COL6A1: variants seen among roughly 807,000 people sequenced by gnomAD.
The protein encoded by COL6A1 is collagen type VI alpha 1 chain, also known as collagen alpha-1(VI) chain.
Under a neutral mutation model 145.6 loss-of-function variants are expected in COL6A1, and 80 were observed. The observed-to-expected ratio is 0.55, with a 90% CI of 0.46 to 0.66. The LOEUF is 0.66. COL6A1 is among the 30% of genes least tolerant of loss of function. The pLI is 0.00. For missense variants in COL6A1, 1,364 were observed against 1,473.8 expected, an observed-to-expected ratio of 0.93 and a Z score of 1.22; for synonymous variants, 638 against 622.8, an observed-to-expected ratio of 1.02 and a Z score of -0.36.
chr21:46,002,989 C>G (rs1025115904), intron 33 of COL6A1, 131 bp from the exon 34 acceptor site: 15 of 1,365,886 alleles, frequency 1.1e-5, no homozygotes, highest in Non-Finnish European at 1.5e-5. Flanking sequence ...CACAGGCATC[C>G]TCCTCCCGGC....
In COL6A1 at chr21:45,989,822, T is replaced by C. The variant is rs749294561; in HGVS notation, c.930+44T>C. 2.5e-6 allele frequency: 4 copies of C among 1,611,972 alleles called. No homozygotes were observed. The East Asian group carries it at 8.9e-5, about 36-fold the overall frequency. The stretch of plus-strand genomic sequence containing the variant: ...CGGAGCTGGTCTCTCCAGGCGCAGA[T>C]GTGCCATCCTGGACGAGGGTGTCCC... On this transcript the variant is annotated intron_variant, in intron 11 of 34. Transcript: ENST00000361866.
intron 3 of COL6A1, among the ~76,000 whole-genome samples, chr21:45,984,677 CAG>C (rs2077727394): frequency 6.8e-6 from 1 of 146,202 alleles, no homozygotes; most frequent in East Asian, 2.0e-4. Context: ...GAAACAGACA[CAG>C]AGAGAGACAG....
intron 24 of COL6A1, 47 bp from the exon 25 acceptor site, chr21:45,998,850 A>G: frequency 1.3e-6 from 2 of 1,546,706 alleles, no homozygotes; most frequent in Non-Finnish European, 1.7e-6. Context: ...CACTTCCTAA[A>G]AACAAAATAA....
intron 2 of COL6A1, among the ~76,000 whole-genome samples, chr21:45,983,536 C>A (rs2123461613): frequency 6.6e-6 from 1 of 152,260 alleles, no homozygotes; most frequent in Non-Finnish European, 1.5e-5. Context: ...CCAGAAGGGG[C>A]ACAGTCAGAG....
At chr21:46,001,164 C>T (rs1170853297) in intron 29 of COL6A1, 89 bp from the exon 30 acceptor site, 5 of 1,541,430 alleles carry the variant, frequency 3.2e-6, no homozygotes, top group African/African-American at 1.4e-5. Context: ...GAGGATGTGG[C>T]AGCCAAGGAG....
Position 45,981,782 on chromosome 21 carries a change from C to CG in COL6A1, c.-67dup. The stretch of plus-strand genomic sequence containing the variant: ...TCTGGCTGGGAGCAGAAGGCAGCCT[C>CG]GGTCTCTGGGCGGCGGCGGCGGCCC... On this transcript the variant is annotated 5_prime_UTR_variant, in exon 1 of 35. Coordinates refer to ENST00000361866, the MANE Select transcript of COL6A1 (RefSeq NM_001848.3). The CG allele has an allele frequency of 8.1e-7, 1 of 1,237,026 alleles. No homozygotes were observed. Among genetic ancestry groups the CG allele is most frequent in the Non-Finnish European group, 1.1e-6 (1 of 884,842 alleles). 76.6% of individuals were successfully genotyped at this position (1,237,026 alleles called of 1,614,324 possible).
chr21:45,989,823 G>T (rs768426293), intron 11 of COL6A1, 45 bp downstream of exon 11: 1 of 1,612,004 alleles, frequency 6.2e-7, no homozygotes, highest in Non-Finnish European at 8.5e-7. Context: ...AGGCGCAGAT[G>T]TGCCATCCTG....
intron 23 of COL6A1, 58 bp from the exon 24 acceptor site, chr21:45,998,314 GCTCAGGCCCTTCCGCTGTGCGCCCCT>G: frequency 6.3e-7 from 1 of 1,596,202 alleles, no homozygotes; most frequent in Non-Finnish European, 8.6e-7. Context: ...GATTCTGTCA[GCTCAGGCCCTTCCGCTGTGCGCCCCT>G]CACAGCCTCC....
rs753012458 is a variant in COL6A1 at position 45,987,202 on chromosome 21, C to T, written c.738+27C>T. 1.6e-5 allele frequency: 25 copies of T among 1,590,366 alleles called. No homozygotes were observed. In the South Asian group the frequency reaches 2.7e-4, roughly 17 times the overall value. The stretch of plus-strand genomic sequence containing the variant: ...TAAGAGCCCTCCCCACCACCCCCAG[C>T]CGTGAGTCTGCACACGTCCACCCAC... On this transcript the variant is annotated intron_variant, in intron 6 of 34. Transcript: ENST00000361866.
rs968214255 is a variant in COL6A1, at chr21:45,994,510, C to T, written c.1398+281C>T. Among the ~76,000 whole-genome samples the T allele has an allele frequency of 6.6e-6, 1 of 152,060 alleles. No individual in the cohort carries two copies. Among genetic ancestry groups the T allele is most frequent in the African/African-American group, 2.4e-5 (1 of 41,414 alleles). On this transcript the variant is annotated intron_variant, in intron 20 of 34. Transcript: ENST00000361866. The surrounding 1 kb of genome is among the most constrained non-coding windows in gnomAD (Gnocchi z 6.8). Reference sequence around the variant, plus strand: ...GCGCTGTCTGGGGGCCCATCCGGGGCAAGGGTGCCTCACAGTGAGGAAGAG... The same window carrying T: ...GCGCTGTCTGGGGGCCCATCCGGGGTAAGGGTGCCTCACAGTGAGGAAGAG...
At chr21:45,999,566 G>T in intron 26 of COL6A1, 91 bp from the exon 27 acceptor site, 1 of 1,415,180 alleles carries the variant, frequency 7.1e-7, no homozygotes, top group Non-Finnish European at 9.8e-7. Flanking sequence ...GCTTGATGAG[G>T]GGCAGGGCCC....
chr21:45,993,955 C>A (rs1169090758), intron 19 of COL6A1, among the ~76,000 whole-genome samples: 1 of 152,198 alleles, frequency 6.6e-6, no homozygotes, highest in Admixed American at 6.5e-5. Flanking sequence ...CTGCCGGCCT[C>A]CTGAATGAAG....
At position 45,999,207 on chromosome 21, in the gene COL6A1, G is replaced by T; in HGVS notation, c.1729G>T (p.Glu577Ter). ...VKGAKGYRGPEGPQGPPGHQG... is the reference protein window; with the variant it reads ...VKGAKGYRGP The stretch of plus-strand genomic sequence containing the variant: ...AGGAGCAAAGGGGTACCGGGGTCCC[G>T]AGGGCCCCCAGGTGGGTGGATGTGG... The change falls in exon 26 of 35, where the codon GAG (glutamate) becomes TAG (stop). Residue 577 changes from glutamate to a stop codon, truncating the protein, a stop_gained. Coordinates refer to ENST00000361866, the MANE Select transcript of COL6A1 (RefSeq NM_001848.3). LOFTEE classifies it high-confidence loss of function. 6.3e-7 allele frequency: 1 copy of T among 1,599,694 alleles called. No individual in the cohort carries two copies. The highest frequency in any genetic ancestry group is 1.1e-5 in the South Asian group (1 of 88,556).
At chr21:45,982,530 G>T in intron 1 of COL6A1, 104 bp from the exon 2 acceptor site, 2 of 1,549,352 alleles carry the variant, frequency 1.3e-6, no homozygotes, top group Non-Finnish European at 1.8e-6. Flanking sequence ...TCCGGGCCCG[G>T]GGCTCTGTGC....
intron 6 of COL6A1, 70 bp from the exon 7 acceptor site, chr21:45,987,429 T>C (rs1452616648): frequency 3.7e-6 from 6 of 1,603,428 alleles, no homozygotes; most frequent in Non-Finnish European, 4.3e-6. Flanking sequence ...CTGGGTCGCA[T>C]GTCACCCTGT....
At chr21:45,997,800 T>C in intron 22 of COL6A1, 38 bp downstream of exon 22, 1 of 1,554,242 alleles carries the variant, frequency 6.4e-7, no homozygotes, top group Non-Finnish European at 8.7e-7. Context: ...GGCGGAGGCC[T>C]GGCCGCCAGA....
At chr21:46,001,052 A>C in intron 29 of COL6A1, 1 of 783,812 alleles carries the variant, frequency 1.3e-6, no homozygotes, top group Non-Finnish European at 2.0e-6. Context: ...TGGCTGAGCA[A>C]CGCCAGCCCT....
In COL6A1 at chr21:45,987,094, C is replaced by T. The variant is rs566896100; in HGVS notation, c.717+22C>T. On this transcript the variant is annotated intron_variant, in intron 5 of 34. Coordinates refer to ENST00000361866, the MANE Select transcript of COL6A1 (RefSeq NM_001848.3). ...GATCGTGAGGCCCCTGCCCAGGAGA[C>T]GGGGAGGCCCGCGGCGGCCGCAGGT... 133 of 1,564,642 alleles carry T rather than the reference C, an allele frequency of 8.5e-5. 1 individual carries two copies. The highest frequency in any genetic ancestry group is 7.0e-4 in the South Asian group (60 of 85,254).
At chr21:45,999,785 C>G in intron 27 of COL6A1, 93 bp downstream of exon 27, 4 of 995,996 alleles carry the variant, frequency 4.0e-6, no homozygotes, top group Non-Finnish European at 5.8e-6. Flanking sequence ...CCTGTAGACG[C>G]TGCTCACGGG....
Sources: gnomAD v4.1 joint callset for allele counts (sites outside exome capture counted in the v4.1 genomes callset) on GRCh38, gnomAD v4.1.1 for gene constraint, Gnocchi (gnomAD v3.1) non-coding constraint, MANE v1.5 for transcripts, NCBI Gene and HGNC (gene_info 2026-07-23, HGNC 2026-07-21) for gene names.